The following ANKHD1 variants were observed in gnomAD, a reference collection of about 807,000 sequenced individuals.
The protein encoded by ANKHD1 is ankyrin repeat and KH domain containing 1, also known as ankyrin repeat and KH domain-containing protein 1.
Under a neutral mutation model 230.5 loss-of-function variants are expected in ANKHD1, and 31 were observed. The observed-to-expected ratio is 0.13, with a 90% CI of 0.10 to 0.18. ANKHD1 has a LOEUF of 0.18. Ranked by LOEUF, ANKHD1 falls within the 10% of genes least tolerant of loss-of-function variation. ANKHD1 has a pLI of 1.00. For synonymous variants in ANKHD1, 1,074 were observed against 1,117.6 expected (o/e 0.96, Z 0.78); for missense variants, 2,256 against 3,071.3 (o/e 0.73, Z 6.27).
At chr5:140,414,469 A>G (rs1295391216) in intron 1 of ANKHD1, among the ~76,000 whole-genome samples, 1 of 152,138 alleles carries the variant, frequency 6.6e-6, no homozygotes, top group Non-Finnish European at 1.5e-5. Context: ...GCATCTTTTC[A>G]TATGCTTATT....
intron 22 of ANKHD1, among the ~76,000 whole-genome samples, chr5:140,512,564 A>G (rs1038160782): frequency 1.3e-5 from 2 of 152,210 alleles, no homozygotes; most frequent in African/African-American, 4.8e-5. Flanking sequence ...AATGTTGTCT[A>G]GTCCACCATC....
chr5:140,415,137 G>A (rs924992121), intron 1 of ANKHD1, among the ~76,000 whole-genome samples: 9 of 151,866 alleles, frequency 5.9e-5, no homozygotes, highest in Non-Finnish European at 1.0e-4. Flanking sequence ...TAATCCCAGC[G>A]CTTTGGGGGG....
At chr5:140,417,848 T>A (rs1344324819) in intron 1 of ANKHD1, among the ~76,000 whole-genome samples, 11 of 147,382 alleles carry the variant, frequency 7.5e-5, no homozygotes, top group Admixed American at 7.4e-4. Context: ...TTTTTTTTTT[T>A]TTTTTTGAGA....
rs568810488 is a variant in ANKHD1 at position 140,419,475 on chromosome 5, T to C, written c.307-16629T>C. Among the ~76,000 whole-genome samples the C allele has an allele frequency of 1.5e-4, 22 of 145,746 alleles. No homozygotes were observed. In the South Asian group the frequency reaches 4.8e-3, roughly 32 times the overall value. ...CTTTCTTTTTTTTTTTTTTTTTTTG[T>C]TTTTGAGATGGTCTCACTCTGTCAC... is the stretch of plus-strand genomic sequence containing the variant. On this transcript the variant is annotated intron_variant, in intron 1 of 33. Transcript: ENST00000360839.
chr5:140,436,415 G>A (rs111612821), intron 2 of ANKHD1, among the ~76,000 whole-genome samples, 158 bp downstream of exon 2: 7 of 152,122 alleles, frequency 4.6e-5, no homozygotes, highest in African/African-American at 1.4e-4. Flanking sequence ...TTCACATTTT[G>A]TATTTCTGGG....
At position 140,509,445 on chromosome 5, in the gene ANKHD1, A is replaced by C. The variant is rs766153629; in HGVS notation, c.3766-192A>C. On this transcript the variant is annotated intron_variant, in intron 20 of 33. Transcript: ENST00000360839. ...CATTCTAGCACGTCTGAATCTAACA[A>C]TTTCTACTGCTGTTTAGTAAAATTC... is the stretch of plus-strand genomic sequence containing the variant. Among the ~76,000 whole-genome samples the C allele has an allele frequency of 1.5e-4, 23 of 152,208 alleles. 1 individual carries two copies. The highest frequency in any genetic ancestry group is 2.8e-4 in the Non-Finnish European group (19 of 68,030).
intron 15 of ANKHD1, among the ~76,000 whole-genome samples, chr5:140,500,665 A>AAAAAATG (rs748025095): frequency 8.7e-6 from 1 of 115,496 alleles, no homozygotes; most frequent in Non-Finnish European, 1.7e-5. Context: ...AAAAAAAAAA[A>AAAAAATG]AAAAGAAAAG....
At chr5:140,453,812 G>A (rs867171451) in intron 7 of ANKHD1, among the ~76,000 whole-genome samples, 19 of 152,234 alleles carry the variant, frequency 1.2e-4, no homozygotes, top group Non-Finnish European at 1.9e-4. Flanking sequence ...CAACTAACAA[G>A]CAAAATAACC....
Position 140,464,674 on chromosome 5 carries a change from T to C in ANKHD1, c.1680T>C (p.Asn560=). 1 of 1,577,160 alleles carries C rather than the reference T, an allele frequency of 6.3e-7. No individual in the cohort carries two copies. The highest frequency in any genetic ancestry group is 8.7e-7 in the Non-Finnish European group (1 of 1,155,142). ...TGCTTTTTTGTTTGCTAGGCGCTAA[T>C]GTGCATGCTACAACAGCAACAGGAG... ...LVKYLLASGA[N]VHATTATGDT... The change falls in exon 10 of 34, where the codon AAT becomes AAC. Residue 560 remains asparagine (N), a synonymous_variant. Coordinates refer to ENST00000360839, the MANE Select transcript of ANKHD1 (RefSeq NM_017747.3).
chr5:140,452,450 C>A (rs1422419437), intron 7 of ANKHD1, among the ~76,000 whole-genome samples: 1 of 152,130 alleles, frequency 6.6e-6, no homozygotes, highest in African/African-American at 2.4e-5. Flanking sequence ...CCCTGAGTAG[C>A]CTAACTGGGA....
chr5:140,510,194 G>A lies in ANKHD1; in HGVS notation c.4104+13G>A, dbSNP rs1466845547. ...AGCATTTCGCAAGGTAATTTGATAT[G>A]GGGGAAGAAAGGTCAATTTTAAGCC... On this transcript the variant is annotated intron_variant, in intron 22 of 33. Transcript: ENST00000360839. 1 of 1,582,058 alleles carries A rather than the reference G, an allele frequency of 6.3e-7. No homozygotes were observed. Among genetic ancestry groups the A allele is most frequent in the Non-Finnish European group, 8.6e-7 (1 of 1,159,034 alleles).
intron 5 of ANKHD1, among the ~76,000 whole-genome samples, chr5:140,443,515 C>G (rs1469365199): frequency 6.6e-6 from 1 of 151,454 alleles, no homozygotes; most frequent in Non-Finnish European, 1.5e-5. Flanking sequence ...ACGGTGAAAC[C>G]CCGTCTCTAC....
At chr5:140,482,974 T>A (rs1201852660) in intron 11 of ANKHD1, among the ~76,000 whole-genome samples, 1 of 152,184 alleles carries the variant, frequency 6.6e-6, no homozygotes. Context: ...ATGAGTCTAT[T>A]CTGCTGGAGA....
chr5:140,427,375 AC>A lies in ANKHD1; in HGVS notation c.307-8720del, dbSNP rs576926009. Among the ~76,000 whole-genome samples, 386 of 42,130 alleles carry A rather than the reference AC, an allele frequency of 9.2e-3. 13 individuals carry two copies. Among genetic ancestry groups the A allele is most frequent in the African/African-American group, 0.031 (326 of 10,544 alleles). The allele number at this position is 42,130 out of a possible 152,430, so 27.6% of individuals were successfully genotyped here. ...GGGCGGCTGGCCAGGCGGGGGGCTG[AC>A]CCCCCCCCACCTCCCTCCCCGACGG... is the stretch of plus-strand genomic sequence containing the variant. On this transcript the variant is annotated intron_variant, in intron 1 of 33. Coordinates refer to ENST00000360839, the MANE Select transcript of ANKHD1 (RefSeq NM_017747.3).
chr5:140,525,850 AG>A (rs1260085354), intron 25 of ANKHD1, 145 bp from the exon 26 acceptor site: 15 of 1,043,584 alleles, frequency 1.4e-5, no homozygotes, highest in Admixed American at 3.7e-5. Flanking sequence ...AAAAAAAAAA[AG>A]ATTTCTTTAT....
chr5:140,459,744 A>AT, intron 9 of ANKHD1, among the ~76,000 whole-genome samples: 1 of 152,304 alleles, frequency 6.6e-6, no homozygotes, highest in Admixed American at 6.5e-5. Context: ...CCATAAATAT[A>AT]TACAATTATT....
At chr5:140,510,228 G>A in intron 22 of ANKHD1, 47 bp downstream of exon 22, 1 of 1,474,242 alleles carries the variant, frequency 6.8e-7, no homozygotes, top group Non-Finnish European at 9.1e-7. Context: ...CCAATTCTAA[G>A]TTAAAACCAT....
Position 140,485,288 on chromosome 5 carries a change from G to T in ANKHD1, c.1998+40G>T, listed in dbSNP as rs775603789. The T allele has an allele frequency of 6.3e-7, 1 of 1,584,546 alleles. No individual in the cohort carries two copies. Among genetic ancestry groups the T allele is most frequent in the South Asian group, 1.1e-5 (1 of 88,930 alleles). ...AATAAGTAAACAGGCTGTGTGCGGT[G>T]GCTCATGTCTATGATCCCAGCACTT... On this transcript the variant is annotated intron_variant, in intron 12 of 33. Coordinates refer to ENST00000360839, the MANE Select transcript of ANKHD1 (RefSeq NM_017747.3). This position sits in a 1 kb window ranked among gnomAD's most constrained non-coding sequence, Gnocchi z 4.8.
At chr5:140,414,268 A>G (rs962143465) in intron 1 of ANKHD1, among the ~76,000 whole-genome samples, 1 of 152,224 alleles carries the variant, frequency 6.6e-6, no homozygotes, top group African/African-American at 2.4e-5. Context: ...AGGAACTGCA[A>G]TACTGTGTTC....
Sources: allele counts gnomAD v4.1 joint callset (sites outside exome capture counted in the v4.1 genomes callset), GRCh38; gene constraint gnomAD v4.1.1; non-coding constraint Gnocchi (gnomAD v3.1); transcripts MANE v1.5; gene names NCBI Gene and HGNC (gene_info 2026-07-23, HGNC 2026-07-21).